The following DNAH17 variants were observed in gnomAD, a reference collection of about 807,000 sequenced individuals.
DNAH17 encodes the protein dynein axonemal heavy chain 17, also known as axonemal beta dynein heavy chain 17.
In DNAH17, 376 loss-of-function variants were observed where a neutral mutation model predicts 485.6. That is an observed-to-expected ratio of 0.77 (90% confidence interval 0.71 to 0.84). The LOEUF is 0.84. DNAH17 is among the 40% of genes least tolerant of loss of function. The pLI is 0.00. For missense variants in DNAH17, 6,370 were observed against 5,839.3 expected (o/e 1.09, Z -2.96); for synonymous variants, 3,031 against 2,405.9 (o/e 1.26, Z -7.60).
chr17:78,445,410 T>TC (rs2087243289), intron 70 of DNAH17, 148 bp downstream of exon 70: 1 of 1,147,794 alleles, frequency 8.7e-7, no homozygotes, highest in Admixed American at 2.8e-5. Context: ...CATCTTGGTC[T>TC]CCATCCCTAT....
intron 40 of DNAH17, 74 bp downstream of exon 40, chr17:78,494,519 G>A (rs968748544): frequency 4.2e-5 from 63 of 1,486,294 alleles, no homozygotes; most frequent in South Asian, 2.5e-4. Flanking sequence ...GTCTCCACCC[G>A]TCCAACATCA....
intron 27 of DNAH17, among the ~76,000 whole-genome samples, chr17:78,509,907 C>T (rs187829928): frequency 7.2e-5 from 11 of 152,306 alleles, no homozygotes; most frequent in Admixed American, 3.3e-4. Flanking sequence ...AGTAGGCTGG[C>T]GCAGTGGCTC....
chr17:78,478,197 A>T (rs1207456833), intron 51 of DNAH17, among the ~76,000 whole-genome samples: 1 of 76,732 alleles, frequency 1.3e-5, no homozygotes, highest in Middle Eastern at 0.013. Flanking sequence ...TATCACCATC[A>T]TATCACCACC....
chr17:78,466,877 T>A (rs1232885262), intron 55 of DNAH17, 61 bp from the exon 56 acceptor site: 2 of 1,438,534 alleles, frequency 1.4e-6, no homozygotes, highest in African/African-American at 2.9e-5. Context: ...GCCTAATCCA[T>A]CACTCTGCAG....
chr17:78,459,731 C>T, intron 60 of DNAH17, 53 bp downstream of exon 60: 2 of 1,602,472 alleles, frequency 1.2e-6, no homozygotes, highest in Non-Finnish European at 1.7e-6. Context: ...CGTGCCTTGG[C>T]CTGATGGAGA....
At position 78,485,574 on chromosome 17, in the gene DNAH17, A is replaced by G. The variant is rs549933914; in HGVS notation, c.7459T>C (p.Tyr2487His). Reference protein sequence around the residue: ...YLVQAVPFNFYTTSAMLQGVL... With the variant: ...YLVQAVPFNFHTTSAMLQGVL... Reference sequence around the variant, plus strand: ...CCCTGCAGCATGGCTGAGGTCGTGTAGAAGTTGAAGGGCACAGCCTGCACC... The same window carrying G: ...CCCTGCAGCATGGCTGAGGTCGTGTGGAAGTTGAAGGGCACAGCCTGCACC... Residue 2487 changes from tyrosine (Y) to histidine (H), a missense_variant, in exon 47 of 81, where the codon TAC becomes CAC. Tyr to His is a moderately conservative substitution (Grantham distance 83). Transcript: ENST00000389840. The G allele has an allele frequency of 1.9e-6, 3 of 1,613,004 alleles. No homozygotes were observed. In the African/African-American group the frequency reaches 4.0e-5, roughly 22 times the overall value.
intron 50 of DNAH17, 89 bp downstream of exon 50, chr17:78,479,396 A>G (rs758932636): frequency 1.9e-5 from 26 of 1,377,882 alleles, no homozygotes; most frequent in South Asian, 4.5e-5. Context: ...TATAAATAAA[A>G]TATTTATCAA....
chr17:78,462,014 T>TA (rs571006048), intron 57 of DNAH17, among the ~76,000 whole-genome samples: 213 of 151,440 alleles, frequency 1.4e-3, no homozygotes, highest in African/African-American at 3.5e-3. Flanking sequence ...GTATAAATAA[T>TA]AAAAAAAATT....
At chr17:78,447,453 A>G (rs1252013504) in intron 69 of DNAH17, among the ~76,000 whole-genome samples, 1 of 152,034 alleles carries the variant, frequency 6.6e-6, no homozygotes, top group Admixed American at 6.6e-5. Context: ...CTAACCTGGC[A>G]CCCTCTGTCT....
intron 22 of DNAH17, among the ~76,000 whole-genome samples, chr17:78,528,470 G>A (rs1240241319): frequency 2.0e-5 from 3 of 152,124 alleles, no homozygotes; most frequent in East Asian, 1.9e-4. Flanking sequence ...TGCCCAGGCC[G>A]GGGCCCCTCC....
chr17:78,496,207 G>A (rs2090064361), intron 37 of DNAH17, among the ~76,000 whole-genome samples, 175 bp from the exon 38 acceptor site: 2 of 152,166 alleles, frequency 1.3e-5, no homozygotes, highest in South Asian at 4.1e-4. Context: ...AGATTTGCAT[G>A]CCATGTAGGA....
intron 48 of DNAH17, among the ~76,000 whole-genome samples, chr17:78,483,283 G>C (rs1221090609): frequency 6.6e-6 from 1 of 152,228 alleles, no homozygotes; most frequent in Admixed American, 6.5e-5. Flanking sequence ...AGCTCTGGGA[G>C]TGTCGTTTAG....
chr17:78,461,733 A>G (rs756561456), intron 57 of DNAH17, 25 bp from the exon 58 acceptor site: 4 of 1,599,832 alleles, frequency 2.5e-6, no homozygotes, highest in African/African-American at 2.7e-5. Context: ...ACCGAGAAAC[A>G]GCAAGTGTGG....
At chr17:78,503,038 T>C in intron 31 of DNAH17, 27 bp from the exon 32 acceptor site, 1 of 1,601,306 alleles carries the variant, frequency 6.2e-7, no homozygotes, top group Non-Finnish European at 8.5e-7. Context: ...CGGTGACCAA[T>C]ACAGCCATGT....
intron 16 of DNAH17, among the ~76,000 whole-genome samples, chr17:78,546,033 G>A (rs1026689902): frequency 2.0e-5 from 3 of 151,946 alleles, no homozygotes; most frequent in Non-Finnish European, 2.9e-5. Flanking sequence ...GGAGGGCAGT[G>A]GCACAATCTC....
At position 78,574,824 on chromosome 17, in the gene DNAH17, G is replaced by T; in HGVS notation, c.234C>A (p.Tyr78Ter). Reference protein sequence around the residue: ...FPQSLKSKGVYFIKTKSENIN... With the variant: ...FPQSLKSKGV ...TGTTCTCGGACTTTGTCTTGATGAA[G>T]TAAACCCCTTTGGACTTGAGGGACT... Residue 78 changes from tyrosine (Y) to a stop codon, truncating the protein, a stop_gained, in exon 2 of 81, where the codon TAC becomes TAA. Coordinates refer to ENST00000389840, the MANE Select transcript of DNAH17 (RefSeq NM_173628.4). LOFTEE classifies it high-confidence loss of function. 1 of 1,614,048 alleles carries T rather than the reference G, an allele frequency of 6.2e-7. No homozygotes were observed. The highest frequency in any genetic ancestry group is 8.5e-7 in the Non-Finnish European group (1 of 1,179,898).
At chr17:78,485,884 G>T in intron 46 of DNAH17, 76 bp downstream of exon 46, 1 of 1,575,182 alleles carries the variant, frequency 6.3e-7, no homozygotes. Context: ...GACATTCCGT[G>T]CAGGCGTGTG....
At chr17:78,438,423 A>AGG (rs1297829723) in intron 73 of DNAH17, among the ~76,000 whole-genome samples, 1 of 1,702 alleles carries the variant, frequency 5.9e-4, no homozygotes, top group Non-Finnish European at 1.7e-3. Context: ...CCAAGTGAGG[A>AGG]GAAGGAGGAG....
At chr17:78,537,976 T>G (rs1275858477) in intron 18 of DNAH17, among the ~76,000 whole-genome samples, 1 of 151,988 alleles carries the variant, frequency 6.6e-6, no homozygotes, top group African/African-American at 2.4e-5. Context: ...CCGTCTCTAC[T>G]AAAAATACAA....
Sources: gnomAD v4.1 joint callset for allele counts (sites outside exome capture counted in the v4.1 genomes callset) on GRCh38, gnomAD v4.1.1 for gene constraint, MANE v1.5 for transcripts, NCBI Gene and HGNC (gene_info 2026-07-23, HGNC 2026-07-21) for gene names.